MOB1B: variants seen among roughly 807,000 people sequenced by gnomAD.
MOB1B encodes the protein MOB1 Mps One Binder homolog B.
In MOB1B, 19 loss-of-function variants were observed where a neutral mutation model predicts 24.4. That is an observed-to-expected ratio of 0.78 (90% CI 0.54 to 1.14). The LOEUF (loss-of-function observed/expected upper bound fraction) is 1.14, where lower values mean the gene tolerates loss of function less well. Among genes scored for constraint, MOB1B ranks in the 50% most tolerant of loss-of-function variants. The pLI, the probability that MOB1B is intolerant of heterozygous loss-of-function variation, is 0.00. For synonymous variants in MOB1B, 76 were observed against 82.1 expected (o/e 0.93, Z 0.40); for missense variants, 243 against 259.6 (o/e 0.94, Z 0.44).
intron 1 of MOB1B, among the ~76,000 whole-genome samples, chr4:70,916,895 T>C (rs931891524): frequency 1.3e-5 from 2 of 152,172 alleles, no homozygotes; most frequent in African/African-American, 2.4e-5. Flanking sequence ...TAATCTTCAT[T>C]GGATGTATTT....
intron 1 of MOB1B, among the ~76,000 whole-genome samples, chr4:70,918,521 A>G (rs1216024423): frequency 2.0e-5 from 3 of 151,660 alleles, no homozygotes; most frequent in South Asian, 2.1e-4. Flanking sequence ...TCCTTTGCCC[A>G]CTTTTTGATG....
chr4:70,945,637 C>T (rs997411834), intron 1 of MOB1B, among the ~76,000 whole-genome samples: 6 of 152,198 alleles, frequency 3.9e-5, no homozygotes, highest in African/African-American at 1.4e-4. Flanking sequence ...TCAACAAATA[C>T]TGAAGCTCTA....
At chr4:70,973,372 A>G (rs780268950) in intron 3 of MOB1B, among the ~76,000 whole-genome samples, 1 of 151,124 alleles carries the variant, frequency 6.6e-6, no homozygotes, top group Non-Finnish European at 1.5e-5. Flanking sequence ...TGGGAGGCCA[A>G]GATGGGAGGA....
chr4:70,976,280 A>G, intron 4 of MOB1B: 1 of 983,756 alleles, frequency 1.0e-6, no homozygotes, highest in Non-Finnish European at 1.2e-6. Context: ...AACATCTGCC[A>G]CAGTTGTATC....
intron 1 of MOB1B, among the ~76,000 whole-genome samples, chr4:70,915,047 A>G (rs149748976): frequency 1.3e-5 from 2 of 152,164 alleles, no homozygotes; most frequent in Non-Finnish European, 2.9e-5. Context: ...AATCGATTGG[A>G]CTTATGTGCG....
chr4:70,929,699 G>A (rs1736806844), intron 1 of MOB1B, among the ~76,000 whole-genome samples: 1 of 150,624 alleles, frequency 6.6e-6, no homozygotes, highest in Non-Finnish European at 1.5e-5. Flanking sequence ...AGGCTGGAGT[G>A]CAGTGGCGCG....
intron 1 of MOB1B, among the ~76,000 whole-genome samples, chr4:70,928,452 T>C (rs1015304217): frequency 2.6e-5 from 4 of 151,880 alleles, no homozygotes; most frequent in African/African-American, 9.7e-5. Context: ...CGTGCCACCA[T>C]GCCCGGCTAA....
At chr4:70,932,771 T>C (rs1432919306) in intron 1 of MOB1B, among the ~76,000 whole-genome samples, 1 of 152,196 alleles carries the variant, frequency 6.6e-6, no homozygotes, top group East Asian at 1.9e-4. Flanking sequence ...TCACATTGAT[T>C]GAATGTAGCA....
At position 70,916,410 on chromosome 4, in the gene MOB1B, G is replaced by A. The variant is rs186596010; in HGVS notation, c.14+13860G>A. ...AAACCTTTGAGAGAATACAGTGCAC[G>A]AGAGAGACTATTATTATGACTATTT... is the stretch of plus-strand genomic sequence containing the variant. On this transcript the variant is annotated intron_variant, in intron 1 of 5. Transcript: ENST00000309395. Among the ~76,000 whole-genome samples, 140 of 152,298 alleles carry A rather than the reference G, an allele frequency of 9.2e-4. 1 individual carries two copies. The highest frequency in any genetic ancestry group is 3.2e-3 in the African/African-American group (132 of 41,556).
rs1560667305 is a variant in MOB1B at position 70,976,778 on chromosome 4, C to CAA, written c.409+1492_409+1493insAA. On this transcript the variant is annotated intron_variant, in intron 4 of 5. Transcript: ENST00000309395. ...CATATATATATATATATATATATCT[C>CAA]TCTCTCTCAATCATAAGGGTTGGAT... is the stretch of plus-strand genomic sequence containing the variant. 3.7e-4 allele frequency: 68 copies of CAA among 185,632 alleles called. 1 individual carries two copies. The highest frequency in any genetic ancestry group is 2.0e-3 in the African/African-American group (67 of 33,348). The allele number at this position is 185,632 out of a possible 1,614,324, so 11.5% of individuals were successfully genotyped here.
intron 1 of MOB1B, among the ~76,000 whole-genome samples, chr4:70,946,084 C>CTTTTTT (rs11331194): frequency 4.7e-5 from 4 of 85,390 alleles, no homozygotes; most frequent in Non-Finnish European, 7.2e-5. Flanking sequence ...TTTGTTTGTT[C>CTTTTTT]TTTTTTTTTT....
intron 1 of MOB1B, chr4:70,950,754 A>C: frequency 2.0e-6 from 3 of 1,534,522 alleles, no homozygotes; most frequent in Non-Finnish European, 2.6e-6. Flanking sequence ...TTTATCGAAT[A>C]CCTGATCTGT....
chr4:70,944,898 A>G (rs1270357819), intron 1 of MOB1B, among the ~76,000 whole-genome samples: 3 of 152,162 alleles, frequency 2.0e-5, no homozygotes, highest in Non-Finnish European at 2.9e-5. Flanking sequence ...CCAAACACCT[A>G]CCAGCATTGG....
At chr4:70,920,259 ATTCTCC>A (rs533685550) in intron 1 of MOB1B, among the ~76,000 whole-genome samples, 274 of 149,644 alleles carry the variant, frequency 1.8e-3, no homozygotes, top group Middle Eastern at 3.4e-3. Context: ...CCTCCTTCTC[ATTCTCC>A]TTCTCCTTCT....
intron 1 of MOB1B, among the ~76,000 whole-genome samples, chr4:70,947,063 C>G (rs1387136765): frequency 1.3e-5 from 2 of 152,124 alleles, no homozygotes; most frequent in African/African-American, 4.8e-5. Flanking sequence ...GCAGTTTTTT[C>G]ATTTTAAACT....
At chr4:70,958,813 T>C (rs1459564865) in intron 1 of MOB1B, 61 bp from the exon 2 acceptor site, 1 of 1,415,974 alleles carries the variant, frequency 7.1e-7, no homozygotes, top group Non-Finnish European at 9.9e-7. Flanking sequence ...GCTTGGTGAA[T>C]GACTCTATTG....
At chr4:70,934,011 G>T (rs1211678236) in intron 1 of MOB1B, among the ~76,000 whole-genome samples, 1 of 152,116 alleles carries the variant, frequency 6.6e-6, no homozygotes, top group Non-Finnish European at 1.5e-5. Context: ...ACATGGCAAA[G>T]ATCTTGTCTC....
intron 1 of MOB1B, among the ~76,000 whole-genome samples, chr4:70,925,617 G>A (rs889877879): frequency 6.6e-6 from 1 of 151,752 alleles, no homozygotes; most frequent in Non-Finnish European, 1.5e-5. Context: ...GCACCACCTA[G>A]GAGTATGTTT....
At chr4:70,937,909 A>AT (rs1241802072) in intron 1 of MOB1B, among the ~76,000 whole-genome samples, 9 of 151,108 alleles carry the variant, frequency 6.0e-5, no homozygotes, top group African/African-American at 2.2e-4. Flanking sequence ...TTCTGCAATC[A>AT]TTTTTTAAAA....
Sources: gnomAD v4.1 joint callset for allele counts (sites outside exome capture counted in the v4.1 genomes callset) on GRCh38, gnomAD v4.1.1 for gene constraint, MANE v1.5 for transcripts, NCBI Gene and HGNC (gene_info 2026-07-23, HGNC 2026-07-21) for gene names.